KLHL1: variants seen among roughly 807,000 people sequenced by gnomAD.
KLHL1 encodes the protein kelch like family member 1, also known as kelch-like protein 1.
A neutral mutation model predicts 77.7 loss-of-function variants in KLHL1; 47 were observed. The ratio of observed to expected loss-of-function variants is 0.60; its 90% CI spans 0.48 to 0.77. KLHL1 has a LOEUF of 0.77. Ranked by LOEUF, KLHL1 falls within the 30% of genes least tolerant of loss-of-function variation. The probability of loss-of-function intolerance (pLI) is 0.00; values close to 1 mark genes in which losing one functional copy is unlikely to be tolerated. For missense variants in KLHL1, 925 were observed against 910.8 expected (o/e 1.02, Z -0.20); for synonymous variants, 360 against 325.2 (o/e 1.11, Z -1.15).
rs1231559667 is a variant in KLHL1, at chr13:70,035,793, A to G, written c.498-59991T>C. On this transcript the variant is annotated intron_variant, in intron 1 of 10. Transcript: ENST00000377844. ...AATCAAATGAGAGTATGAGGCCTCT[A>G]TCAAGCCTGATACAAAATTAAACCA... Among the ~76,000 whole-genome samples the G allele has an allele frequency of 2.0e-5, 3 of 152,012 alleles. No homozygotes were observed. In the East Asian group the frequency reaches 5.8e-4, roughly 29 times the overall value.
At chr13:69,956,746 A>T (rs17085771) in intron 3 of KLHL1, among the ~76,000 whole-genome samples, 21,021 of 151,532 alleles carry the variant, frequency 0.14, 2,393 homozygotes, top group African/African-American at 0.29. Context: ...TGAATATATA[A>T]CTGTGTCCTC....
At chr13:69,766,755 G>C (rs1052475495) in intron 7 of KLHL1, among the ~76,000 whole-genome samples, 7 of 151,934 alleles carry the variant, frequency 4.6e-5, no homozygotes, top group African/African-American at 1.7e-4. Flanking sequence ...GATATTTTTG[G>C]GTTGTCATAG....
At chr13:70,050,817 C>T (rs1034873953) in intron 1 of KLHL1, among the ~76,000 whole-genome samples, 2 of 151,908 alleles carry the variant, frequency 1.3e-5, no homozygotes, top group South Asian at 4.2e-4. Flanking sequence ...ATTGTTAACA[C>T]TTGAGTGACA....
At chr13:69,713,136 A>AT (rs1272409113) in intron 9 of KLHL1, among the ~76,000 whole-genome samples, 1 of 152,054 alleles carries the variant, frequency 6.6e-6, no homozygotes, top group Non-Finnish European at 1.5e-5. Flanking sequence ...AGCCCAATTA[A>AT]TTTTTTTATA....
At chr13:69,802,140 G>C (rs1367882038) in intron 6 of KLHL1, among the ~76,000 whole-genome samples, 1 of 151,944 alleles carries the variant, frequency 6.6e-6, no homozygotes, top group Non-Finnish European at 1.5e-5. Context: ...TCCTGTGTTA[G>C]TTTGCTGAGA....
intron 8 of KLHL1, among the ~76,000 whole-genome samples, chr13:69,732,907 T>A (rs1174296280): frequency 6.6e-6 from 1 of 152,106 alleles, no homozygotes; most frequent in Non-Finnish European, 1.5e-5. Flanking sequence ...TTGACTGAAT[T>A]TCAGTGCACA....
intron 1 of KLHL1, among the ~76,000 whole-genome samples, chr13:69,978,633 T>A (rs564356175): frequency 6.6e-6 from 1 of 151,494 alleles, no homozygotes; most frequent in Non-Finnish European, 1.5e-5. Flanking sequence ...ATTACAGGCA[T>A]GCACCACCAT....
chr13:70,106,686 G>A (rs1225270100), intron 1 of KLHL1, among the ~76,000 whole-genome samples: 3 of 152,126 alleles, frequency 2.0e-5, no homozygotes, highest in Non-Finnish European at 4.4e-5. Flanking sequence ...CATTTCAGGA[G>A]CAAAAAGAGA....
Position 70,001,090 on chromosome 13 carries a change from T to C in KLHL1, c.498-25288A>G, listed in dbSNP as rs1885277007. ...TTTAATGATTTGTTGTGTAAATAAT[T>C]ATAAGTAGTATTTAATTATTTGTTG... is the stretch of plus-strand genomic sequence containing the variant. On this transcript the variant is annotated intron_variant, in intron 1 of 10. Coordinates refer to ENST00000377844, the MANE Select transcript of KLHL1 (RefSeq NM_020866.3). 2.6e-5 allele frequency among the ~76,000 whole-genome samples: 4 copies of C among 151,356 alleles called. No homozygotes were observed. In the South Asian group the frequency reaches 8.3e-4, roughly 32 times the overall value.
rs57184525 is a variant in KLHL1, at chr13:69,983,606, G to GA, written c.498-7805dup. On this transcript the variant is annotated intron_variant, in intron 1 of 10. Coordinates refer to ENST00000377844, the MANE Select transcript of KLHL1 (RefSeq NM_020866.3). ...AAAAAAAAAAAGAAGAAGAAGAAGA[G>GA]AAAAAAAAAAAAAAGCTGTGTTTGA... Among the ~76,000 whole-genome samples, 379 of 99,014 alleles carry GA rather than the reference G, an allele frequency of 3.8e-3. 4 individuals are homozygous for GA. Among genetic ancestry groups the GA allele is most frequent in the African/African-American group, 9.1e-3 (204 of 22,382 alleles). The allele number at this position is 99,014 out of a possible 152,430, so 65.0% of individuals were successfully genotyped here. A position where few individuals can be genotyped will look rare whatever the true frequency, so the allele number is the denominator to read the frequency against.
chr13:69,738,967 G>A lies in KLHL1; in HGVS notation c.1802+1427C>T, dbSNP rs187801246. Reference sequence around the variant, plus strand: ...CATAATCATCAGATTCGCCAAAGTCGAAATGAAGAAAACAATGCAAAGGGC... The same window carrying A: ...CATAATCATCAGATTCGCCAAAGTCAAAATGAAGAAAACAATGCAAAGGGC... On this transcript the variant is annotated intron_variant, in intron 8 of 10. Transcript: ENST00000377844. Among the ~76,000 whole-genome samples the A allele has an allele frequency of 5.0e-3, 759 of 152,148 alleles. 3 individuals carry two copies. Among genetic ancestry groups the A allele is most frequent in the African/African-American group, 0.018 (739 of 41,520 alleles).
At chr13:69,799,957 T>A (rs1337722493) in intron 6 of KLHL1, among the ~76,000 whole-genome samples, 2 of 152,148 alleles carry the variant, frequency 1.3e-5, no homozygotes, top group Non-Finnish European at 2.9e-5. Context: ...GGGAGGGATC[T>A]AGGTTGATCA....
intron 3 of KLHL1, among the ~76,000 whole-genome samples, chr13:69,945,286 C>T (rs2482574): frequency 0.99 from 151,238 of 152,016 alleles, 75,237 homozygotes; most frequent in East Asian, 1. Context: ...ATAAAACTTC[C>T]ATAACCAAAC....
chr13:69,982,367 T>C (rs546003131), intron 1 of KLHL1, among the ~76,000 whole-genome samples: 1 of 150,210 alleles, frequency 6.7e-6, no homozygotes, highest in East Asian at 2.0e-4. Context: ...ACCCGAAAGG[T>C]GGAGGGTGCA....
At chr13:69,834,295 A>AATAT (rs145099020) in intron 6 of KLHL1, among the ~76,000 whole-genome samples, 5 of 150,968 alleles carry the variant, frequency 3.3e-5, no homozygotes, top group African/African-American at 1.2e-4. Flanking sequence ...CAATTAGTTA[A>AATAT]ATATATATAT....
intron 7 of KLHL1, among the ~76,000 whole-genome samples, chr13:69,780,077 G>A (rs1252566380): frequency 6.6e-6 from 1 of 152,022 alleles, no homozygotes; most frequent in Non-Finnish European, 1.5e-5. Context: ...CAAAGTGCTG[G>A]GATGACAGGC....
At chr13:69,890,360 A>C (rs1881380997) in intron 4 of KLHL1, among the ~76,000 whole-genome samples, 1 of 152,024 alleles carries the variant, frequency 6.6e-6, no homozygotes. Context: ...ACTATCTAAC[A>C]TATTCTTAAA....
chr13:69,712,772 TG>T (rs796919925), intron 9 of KLHL1, among the ~76,000 whole-genome samples: 1,936 of 52,940 alleles, frequency 0.037, 25 homozygotes, highest in Middle Eastern at 0.091. Context: ...TTTTTTTTTT[TG>T]GGGGGGGGGT....
chr13:69,743,825 A>G (rs1433544962), intron 7 of KLHL1, among the ~76,000 whole-genome samples: 49 of 19,916 alleles, frequency 2.5e-3, no homozygotes, highest in African/African-American at 0.014. Flanking sequence ...AAAAAAACAG[A>G]AAAAAAAAAA....
Sources: allele counts gnomAD v4.1 joint callset (sites outside exome capture counted in the v4.1 genomes callset), GRCh38; gene constraint gnomAD v4.1.1; transcripts MANE v1.5; gene names NCBI Gene and HGNC (gene_info 2026-07-23, HGNC 2026-07-21).